The following FAHD2B variants were observed in gnomAD, a reference collection of about 807,000 sequenced individuals.
The protein encoded by FAHD2B is fumarylacetoacetate hydrolase domain containing 2B, also known as oxaloacetate tautomerase FAHD2B, mitochondrial.
A neutral mutation model predicts 33.7 loss-of-function variants in FAHD2B; 26 were observed. That is an observed-to-expected ratio of 0.77 (90% CI 0.57 to 1.07). The LOEUF is 1.07. FAHD2B is among the 50% of genes least tolerant of loss of function. The pLI is 0.00. For synonymous variants in FAHD2B, 108 were observed against 150.9 expected, an observed-to-expected ratio of 0.72 and a Z score of 2.08; for missense variants, 272 against 388.1, an observed-to-expected ratio of 0.70 and a Z score of 2.51.
chr2:97,085,932 T>A, intron 5 of FAHD2B, 71 bp from the exon 6 acceptor site: 1 of 1,599,804 alleles, frequency 6.3e-7, no homozygotes, highest in South Asian at 1.1e-5. Flanking sequence ...TGGCAAGGGA[T>A]CTCAAAGCTG....
At chr2:97,090,388 T>A in intron 3 of FAHD2B, 63 bp from the exon 4 acceptor site, 1 of 1,472,162 alleles carries the variant, frequency 6.8e-7, no homozygotes, top group Middle Eastern at 1.8e-4. Flanking sequence ...CCGGGCAGGC[T>A]GGGCAGATCC....
downstream of FAHD2B, chr2:97,082,613 CG>C: frequency 6.4e-7 from 1 of 1,562,032 alleles, no homozygotes; most frequent in Non-Finnish European, 8.8e-7. Context: ...CTATCCCTCC[CG>C]GGGCTTCTTT....
At chr2:97,081,459 T>A, downstream of FAHD2B, 7 of 1,578,388 alleles carry the variant, frequency 4.4e-6, no homozygotes, top group Non-Finnish European at 6.0e-6. Flanking sequence ...TTCCTACTGC[T>A]ACTGTCAGGA....
At chr2:97,083,237 T>C (rs1157418038), downstream of FAHD2B, 4 of 1,608,708 alleles carry the variant, frequency 2.5e-6, no homozygotes, top group African/African-American at 5.4e-5. Flanking sequence ...GAACAGTTCA[T>C]CCGGCAGTTC....
chr2:97,081,166 A>G (rs1313407550), downstream of FAHD2B: 1 of 1,476,590 alleles, frequency 6.8e-7, no homozygotes. Context: ...GCTGCAGGGC[A>G]TATTGCTGCT....
At position 97,083,821 on chromosome 2, in the gene FAHD2B, C is replaced by T; in HGVS notation, c.883-4G>A. On this transcript the variant is annotated splice_region_variant and splice_polypyrimidine_tract_variant and intron_variant, in intron 8 of 8. Coordinates refer to ENST00000414820, the MANE Select transcript of FAHD2B (RefSeq NM_001320848.2). Reference sequence around the variant, plus strand: ...CACACTGGACTTCATCCCCCTTCTGCAACAGAGCAGGCCATGACGGTGTCA... The same window carrying T: ...CACACTGGACTTCATCCCCCTTCTGTAACAGAGCAGGCCATGACGGTGTCA... 5.6e-6 allele frequency: 9 copies of T among 1,614,128 alleles called. No homozygotes were observed. The highest frequency in any genetic ancestry group is 6.8e-6 in the Non-Finnish European group (8 of 1,180,050).
downstream of FAHD2B, chr2:97,082,014 G>C (rs2031661660): frequency 2.6e-6 from 4 of 1,559,566 alleles, no homozygotes; most frequent in Admixed American, 5.2e-5. Context: ...GTGACACAGG[G>C]CAACGGCGAC....
intron 4 of FAHD2B, among the ~76,000 whole-genome samples, chr2:97,088,280 GCT>G (rs2032119170): frequency 6.6e-6 from 1 of 152,094 alleles, no homozygotes; most frequent in African/African-American, 2.4e-5. Flanking sequence ...ATATGGTTTA[GCT>G]CTGTGTCCCC....
At position 97,091,565 on chromosome 2, in the gene FAHD2B, T is replaced by C; in HGVS notation, c.142A>G (p.Asn48Asp). ...TTGAGGTTGATAACCCCTCCACCAT[T>C]CCCTGTCTCCAGGCCCAAGTGAGGC... ...VGPHLGLETGNGGGVINLNAF... is the reference protein window; with the variant it reads ...VGPHLGLETGDGGGVINLNAF... The change falls in exon 3 of 9, where the codon AAT (asparagine) becomes GAT (aspartate). Residue 48 changes from asparagine (N) to aspartate (D), a missense_variant. Coordinates refer to ENST00000414820, the MANE Select transcript of FAHD2B (RefSeq NM_001320848.2). The C allele has an allele frequency of 6.2e-7, 1 of 1,613,748 alleles. No homozygotes were observed. Among genetic ancestry groups the C allele is most frequent in the Non-Finnish European group, 8.5e-7 (1 of 1,179,982 alleles).
chr2:97,082,809 A>C (rs1033384880), downstream of FAHD2B: 12 of 1,263,516 alleles, frequency 9.5e-6, no homozygotes, highest in Non-Finnish European at 1.2e-5. Context: ...CCACCCCAAT[A>C]GAGTGGCTCA....
intron 1 of FAHD2B, among the ~76,000 whole-genome samples, chr2:97,093,762 G>C (rs940922723): frequency 1.3e-5 from 2 of 152,068 alleles, no homozygotes; most frequent in African/African-American, 2.4e-5. Context: ...AGTGAGCCAC[G>C]GCGCCCGGCC....
intron 1 of FAHD2B, among the ~76,000 whole-genome samples, chr2:97,093,471 C>CTTTTTTTT (rs34927915): frequency 1.1e-5 from 1 of 92,106 alleles, no homozygotes; most frequent in African/African-American, 3.8e-5. Context: ...TGATTTAATT[C>CTTTTTTTT]TTTTTTTTTT....
rs368327637 is a variant in FAHD2B at position 97,089,562 on chromosome 2, T to C, written c.462+547A>G. ...GGAAATAATAATATATTAATGGACA[T>C]GCAAAGTCTTTTCTACATAAGGATG... is the stretch of plus-strand genomic sequence containing the variant. On this transcript the variant is annotated intron_variant, in intron 4 of 8. Coordinates refer to ENST00000414820, the MANE Select transcript of FAHD2B (RefSeq NM_001320848.2). Among the ~76,000 whole-genome samples, 40 of 146,240 alleles carry C rather than the reference T, an allele frequency of 2.7e-4. 5 individuals carry two copies. Among genetic ancestry groups the C allele is most frequent in the Admixed American group, 5.5e-4 (8 of 14,526 alleles).
downstream of FAHD2B, chr2:97,082,345 G>A (rs1190405251): frequency 1.8e-5 from 29 of 1,607,434 alleles, no homozygotes; most frequent in East Asian, 3.4e-4. Flanking sequence ...TGCAGTCCTC[G>A]AGGCAGGCTG....
downstream of FAHD2B, chr2:97,082,228 T>C: frequency 1.3e-6 from 2 of 1,541,056 alleles, no homozygotes; most frequent in Non-Finnish European, 1.8e-6. Flanking sequence ...CAGATTTCTT[T>C]CTTTTCCTCT....
At chr2:97,092,823 A>G (rs2032427715) in intron 1 of FAHD2B, among the ~76,000 whole-genome samples, 1 of 151,870 alleles carries the variant, frequency 6.6e-6, no homozygotes, top group Non-Finnish European at 1.5e-5. Flanking sequence ...ATGCAAAAAA[A>G]TTAGCCAGGA....
chr2:97,091,542 G>A lies in FAHD2B; in HGVS notation c.165C>T (p.Leu55=), dbSNP rs2032339137. Residue 55 remains leucine (L), a synonymous_variant, in exon 3 of 9, where the codon CTC becomes CTT. Transcript: ENST00000414820. ...ETGNGGGVIN[L]NAFDPTLPKT... ...TTGGGAGTGTGGGGTCAAAGGCATT[G>A]AGGTTGATAACCCCTCCACCATTCC... The A allele has an allele frequency of 6.2e-7, 1 of 1,613,596 alleles. No homozygotes were observed. Among genetic ancestry groups the A allele is most frequent in the African/African-American group, 1.3e-5 (1 of 74,738 alleles).
intron 4 of FAHD2B, among the ~76,000 whole-genome samples, chr2:97,089,194 T>A (rs1469238372): frequency 6.6e-6 from 1 of 151,970 alleles, no homozygotes; most frequent in East Asian, 1.9e-4. Flanking sequence ...TGCCTGTAGT[T>A]TGATAATATT....
At chr2:97,082,490 C>A (rs2031683616), downstream of FAHD2B, 1 of 1,612,048 alleles carries the variant, frequency 6.2e-7, no homozygotes, top group Non-Finnish European at 8.5e-7. Flanking sequence ...TCAGCCCAGG[C>A]TCCTGCAGGC....
Sources: gnomAD v4.1 joint callset for allele counts (sites outside exome capture counted in the v4.1 genomes callset) on GRCh38, gnomAD v4.1.1 for gene constraint, MANE v1.5 for transcripts, NCBI Gene and HGNC (gene_info 2026-07-23, HGNC 2026-07-21) for gene names.